The following MCF2 variants were observed in gnomAD, a reference collection of about 807,000 sequenced individuals.
MCF2 encodes the protein MCF.2 cell line derived transforming sequence.
MCF2 carries 44 observed loss-of-function variants against 82.5 expected under a neutral mutation model. The ratio of observed to expected loss-of-function variants is 0.53; its 90% confidence interval spans 0.42 to 0.69. The LOEUF (loss-of-function observed/expected upper bound fraction) is 0.69. Ranked by LOEUF, MCF2 falls within the 30% of genes least tolerant of loss-of-function variation. The probability of loss-of-function intolerance (pLI) is 0.00; values close to 1 mark genes in which losing one functional copy is unlikely to be tolerated. For missense variants in MCF2, 623 were observed against 663.1 expected (o/e 0.94, Z 0.66); for synonymous variants, 217 against 224.9 (o/e 0.96, Z 0.32).
rs756373770 is a variant in MCF2, at chrX:139,674,579, T to C, written c.-44-22791A>G. ...AAGGATTTTATTTCTCCTTCACTTATGAAGCTTAGTTTGGCTGGATATGAA... is the reference window on the plus strand; with the variant it reads ...AAGGATTTTATTTCTCCTTCACTTACGAAGCTTAGTTTGGCTGGATATGAA... On this transcript the variant is annotated intron_variant, in intron 1 of 27. Transcript: ENST00000414978. Among the ~76,000 whole-genome samples, 8 of 112,180 alleles carry C rather than the reference T, an allele frequency of 7.1e-5. No individual in the cohort carries two copies. In the East Asian group the frequency reaches 2.2e-3, roughly 31 times the overall value.
At chrX:139,587,752 C>T (rs750698640) in exon 22 of MCF2, 3 of 1,196,940 alleles carry the variant, frequency 2.5e-6, no homozygotes, top group Non-Finnish European at 3.4e-6. Flanking sequence ...AAACTTATCC[C>T]GTTCTGTTAA....
intron 1 of MCF2, among the ~76,000 whole-genome samples, chrX:139,680,415 C>CAGAGTATT (rs1386923137): frequency 8.9e-6 from 1 of 112,124 alleles, no homozygotes; most frequent in Non-Finnish European, 1.9e-5. Context: ...TTGAATATGC[C>CAGAGTATT]AGAGTATTCC....
intron 24 of MCF2, among the ~76,000 whole-genome samples, chrX:139,584,324 G>A (rs894807136): frequency 1.8e-5 from 2 of 109,721 alleles, no homozygotes; most frequent in Admixed American, 9.8e-5. Context: ...TAGTAGAGAC[G>A]AGGTTTACCC....
At chrX:139,648,804 A>G (rs764928539) in intron 2 of MCF2, among the ~76,000 whole-genome samples, 3 of 112,633 alleles carry the variant, frequency 2.7e-5, no homozygotes, top group Non-Finnish European at 3.7e-5. Flanking sequence ...ACCAGATATT[A>G]AAATGATCAT....
chrX:139,678,338 G>A (rs1168643854), intron 1 of MCF2, among the ~76,000 whole-genome samples: 1 of 111,531 alleles, frequency 9.0e-6, no homozygotes, highest in East Asian at 2.8e-4. Flanking sequence ...CATTGGTGAG[G>A]ATTCAAATCT....
chrX:139,607,561 C>A (rs1313049629), intron 12 of MCF2, 130 bp downstream of exon 16: 5 of 385,423 alleles, frequency 1.3e-5, no homozygotes, highest in Non-Finnish European at 1.7e-5. Context: ...AGGCCTAAAT[C>A]CTGGACTTCT....
chrX:139,602,341 A>G (rs757534593), intron 16 of MCF2, 65 bp downstream of exon 20: 132 of 870,017 alleles, frequency 1.5e-4, no homozygotes, highest in Admixed American at 2.2e-4. Context: ...AAATGAATTT[A>G]TAATTAAGAA....
chrX:139,666,279 G>C (rs1164587248), intron 1 of MCF2, among the ~76,000 whole-genome samples: 3 of 106,573 alleles, frequency 2.8e-5, no homozygotes, highest in Non-Finnish European at 5.8e-5. Flanking sequence ...CCAGCCTCTG[G>C]TAACCATCCT....
chrX:139,585,179 CTA>C lies in MCF2; in HGVS notation c.2633-3_2633-2del. ...GCAGATTGTGATGCCTCAGTCCAAACTATAAGAAAAGTGTGGAATGTGGCAGT... is the reference window on the plus strand; with the variant it reads ...GCAGATTGTGATGCCTCAGTCCAAACTAAGAAAAGTGTGGAATGTGGCAGT... On this transcript the variant is annotated splice_acceptor_variant and splice_polypyrimidine_tract_variant and intron_variant, in intron 23 of 24. Transcript: ENST00000370576. LOFTEE classifies it high-confidence loss of function. The C allele has an allele frequency of 8.7e-7, 1 of 1,145,905 alleles. No individual in the cohort carries two copies. Among genetic ancestry groups the C allele is most frequent in the Non-Finnish European group, 1.2e-6 (1 of 842,937 alleles). 94.4% of individuals were successfully genotyped at this position (1,145,905 alleles called of 1,213,427 possible). A position where few individuals can be genotyped will look rare whatever the true frequency, so the allele number is the denominator to read the frequency against.
intron 1 of MCF2, among the ~76,000 whole-genome samples, chrX:139,673,411 C>T (rs1165872755): frequency 3.6e-5 from 4 of 111,480 alleles, no homozygotes; most frequent in Non-Finnish European, 5.7e-5. Context: ...TGATGTTAGG[C>T]TGTCGATTTT....
chrX:139,669,642 C>T (rs1934624011), intron 1 of MCF2, among the ~76,000 whole-genome samples: 1 of 111,935 alleles, frequency 8.9e-6, no homozygotes, highest in Admixed American at 9.5e-5. Context: ...GTGGAAATAA[C>T]TCAAATATCC....
At position 139,619,175 on chromosome X, in the gene MCF2, C is replaced by T. The variant is rs996300478; in HGVS notation, c.807+412G>A. On this transcript the variant is annotated intron_variant, in intron 7 of 24. Transcript: ENST00000370576. ...TAGCTTCTCCAAAATAATTTATGCCCTTGTTCTTATTGGTGGGCTTGAAAC... is the reference window on the plus strand; with the variant it reads ...TAGCTTCTCCAAAATAATTTATGCCTTTGTTCTTATTGGTGGGCTTGAAAC... Among the ~76,000 whole-genome samples the T allele has an allele frequency of 3.6e-5, 4 of 110,996 alleles. No individual in the cohort carries two copies. In the Admixed American group the frequency reaches 3.9e-4, roughly 11 times the overall value.
chrX:139,693,606 T>C (rs1388144564), intron 1 of MCF2, among the ~76,000 whole-genome samples: 1 of 111,630 alleles, frequency 9.0e-6, no homozygotes, highest in Non-Finnish European at 1.9e-5. Flanking sequence ...ATGTGTAAGC[T>C]ATTTGAATGT....
At chrX:139,605,635 G>T (rs1930935532) in intron 13 of MCF2, 78 bp downstream of exon 17, 2 of 844,814 alleles carry the variant, frequency 2.4e-6, no homozygotes, top group East Asian at 3.4e-5. Context: ...GTAGAAGATT[G>T]CCCCTAAACA....
intron 1 of MCF2, among the ~76,000 whole-genome samples, chrX:139,634,460 C>A (rs1933086542): frequency 9.0e-6 from 1 of 111,675 alleles, no homozygotes; most frequent in Non-Finnish European, 1.9e-5. Context: ...ATGCTCAAAA[C>A]TGGGGATTTT....
upstream of MCF2, chrX:139,642,910 C>G: frequency 1.4e-6 from 1 of 692,629 alleles, no homozygotes; most frequent in Non-Finnish European, 1.8e-6. Flanking sequence ...GACTGGCTTT[C>G]TCCTCTGCGC....
chrX:139,664,864 C>A (rs1191154835), intron 1 of MCF2, among the ~76,000 whole-genome samples: 1 of 111,453 alleles, frequency 9.0e-6, no homozygotes, highest in Non-Finnish European at 1.9e-5. Flanking sequence ...TTATTCAGGG[C>A]CCAAGGTCTC....
rs1054172238 is a variant in MCF2 at position 139,593,566 on chromosome X, G to A, written c.2277+2983C>T. ...CCAGCATCATCCTGATACCAAAGCC[G>A]GGCAGAGACACAACCAAAAAAGAGA... On this transcript the variant is annotated intron_variant, in intron 19 of 24. Transcript: ENST00000370576. Among the ~76,000 whole-genome samples, 13 of 110,441 alleles carry A rather than the reference G, an allele frequency of 1.2e-4. No individual in the cohort carries two copies. The South Asian group carries it at 2.0e-3, about 17-fold the overall frequency.
At chrX:139,588,430 A>G (rs1482059949) in exon 21 of MCF2, 1 of 1,175,972 alleles carries the variant, frequency 8.5e-7, no homozygotes, top group East Asian at 3.0e-5. Context: ...TCACATCTAC[A>G]TTAGAAGCCT....
Sources: allele counts gnomAD v4.1 joint callset (sites outside exome capture counted in the v4.1 genomes callset), GRCh38; gene constraint gnomAD v4.1.1; transcripts MANE v1.5; gene names NCBI Gene and HGNC (gene_info 2026-07-23, HGNC 2026-07-21).